The following MYRIP variants were observed in gnomAD, a reference collection of about 807,000 sequenced individuals.
The protein encoded by MYRIP is rab effector MyRIP.
In MYRIP, 49 loss-of-function variants were observed where a neutral mutation model predicts 98.0. The ratio of observed to expected loss-of-function variants is 0.50; its 90% CI spans 0.40 to 0.63. The LOEUF is 0.63. Among genes scored for constraint, MYRIP ranks in the 30% least tolerant of loss-of-function variants. MYRIP has a pLI of 0.00. For synonymous variants in MYRIP, 404 were observed against 409.5 expected, an observed-to-expected ratio of 0.99 and a Z score of 0.16; for missense variants, 1,004 against 1,058.2, an observed-to-expected ratio of 0.95 and a Z score of 0.71.
At chr3:40,037,487 C>T (rs1456965169) in intron 2 of MYRIP, among the ~76,000 whole-genome samples, 1 of 151,984 alleles carries the variant, frequency 6.6e-6, no homozygotes, top group Non-Finnish European at 1.5e-5. Flanking sequence ...TTTTACAACA[C>T]ATATTGCCCC....
chr3:40,099,405 T>C (rs996574529), intron 3 of MYRIP, among the ~76,000 whole-genome samples: 1 of 152,182 alleles, frequency 6.6e-6, no homozygotes. Context: ...TCCACAAATT[T>C]ATGAAACCAG....
chr3:40,107,687 G>C (rs1271745097), intron 3 of MYRIP, among the ~76,000 whole-genome samples: 15 of 152,158 alleles, frequency 9.9e-5, no homozygotes, highest in Admixed American at 9.8e-4. Context: ...CTAACTGAAA[G>C]CATCAAGGCC....
intron 11 of MYRIP, among the ~76,000 whole-genome samples, chr3:40,211,646 G>C (rs1360250972): frequency 6.6e-6 from 1 of 152,160 alleles, no homozygotes; most frequent in Non-Finnish European, 1.5e-5. Context: ...CTGGAGCTTA[G>C]AGCCAGATGG....
chr3:40,256,952 C>G (rs1486530558), intron 16 of MYRIP, among the ~76,000 whole-genome samples: 1 of 152,052 alleles, frequency 6.6e-6, no homozygotes, highest in Admixed American at 6.6e-5. Context: ...ACACAAAAAT[C>G]GTTACACCAG....
At chr3:40,049,060 C>T (rs1947731203) in intron 3 of MYRIP, among the ~76,000 whole-genome samples, 1 of 152,150 alleles carries the variant, frequency 6.6e-6, no homozygotes, top group African/African-American at 2.4e-5. Context: ...CAGTCATAAT[C>T]ATTTTGGGCC....
Position 40,066,684 on chromosome 3 carries a change from C to T in MYRIP, c.332+22413C>T, listed in dbSNP as rs933179120. 7.9e-5 allele frequency among the ~76,000 whole-genome samples: 12 copies of T among 152,206 alleles called. No individual in the cohort carries two copies. The East Asian group carries it at 2.1e-3, about 27-fold the overall frequency. On this transcript the variant is annotated intron_variant, in intron 3 of 16. Transcript: ENST00000302541. ...AAATTTACTCAATGGACTCTTACTA[C>T]AGAGAAGGTTCTGTATTCCAAGTAA... is the stretch of plus-strand genomic sequence containing the variant.
At chr3:40,218,621 TA>T (rs1952214232) in intron 11 of MYRIP, among the ~76,000 whole-genome samples, 25 of 81,520 alleles carry the variant, frequency 3.1e-4, no homozygotes, top group African/African-American at 1.4e-3. Flanking sequence ...TTTATATATA[TA>T]TATATATATA....
At chr3:40,119,553 A>G (rs1949354126) in intron 3 of MYRIP, among the ~76,000 whole-genome samples, 1 of 138,540 alleles carries the variant, frequency 7.2e-6, no homozygotes, top group South Asian at 2.3e-4. Context: ...AGGAGACTTA[A>G]ATTTTAAATC....
chr3:39,965,000 G>C lies in MYRIP; in HGVS notation c.110+64074G>C, dbSNP rs76842606. Among the ~76,000 whole-genome samples the C allele has an allele frequency of 6.1e-3, 926 of 152,172 alleles. 7 individuals carry two copies. Among genetic ancestry groups the C allele is most frequent in the African/African-American group, 0.021 (882 of 41,532 alleles). On this transcript the variant is annotated intron_variant, in intron 2 of 16. Coordinates refer to ENST00000302541, the MANE Select transcript of MYRIP (RefSeq NM_015460.4). ...GGATTTTGAAATAACCCGTTACCTGGATGGTGCAGCAGAGTTAAAATTATC... is the reference window on the plus strand; with the variant it reads ...GGATTTTGAAATAACCCGTTACCTGCATGGTGCAGCAGAGTTAAAATTATC...
At chr3:40,170,664 C>T (rs1187629422) in intron 8 of MYRIP, among the ~76,000 whole-genome samples, 2 of 152,192 alleles carry the variant, frequency 1.3e-5, no homozygotes, top group Non-Finnish European at 2.9e-5. Context: ...TCCTTTGTTA[C>T]TGGTTTGAGT....
chr3:40,051,538 T>A lies in MYRIP; in HGVS notation c.332+7267T>A, dbSNP rs114382973. Among the ~76,000 whole-genome samples the A allele has an allele frequency of 2.3e-3, 354 of 152,280 alleles. 2 individuals carry two copies. Among genetic ancestry groups the A allele is most frequent in the Middle Eastern group, 0.014 (4 of 294 alleles). On this transcript the variant is annotated intron_variant, in intron 3 of 16. Coordinates refer to ENST00000302541, the MANE Select transcript of MYRIP (RefSeq NM_015460.4). The stretch of plus-strand genomic sequence containing the variant: ...TATATGCACTGGGAAACAAAAAATT[T>A]GTGTGACTCACTTTTTTGTGATATT...
chr3:40,005,086 G>C (rs936180007), intron 2 of MYRIP, among the ~76,000 whole-genome samples: 3 of 152,188 alleles, frequency 2.0e-5, no homozygotes, highest in Non-Finnish European at 4.4e-5. Flanking sequence ...CTGCATCCAG[G>C]TTGCTGCAAA....
chr3:40,192,803 GA>G (rs755535951), intron 10 of MYRIP, among the ~76,000 whole-genome samples: 31 of 152,302 alleles, frequency 2.0e-4, no homozygotes, highest in Middle Eastern at 3.4e-3. Flanking sequence ...AAACAATGGT[GA>G]AAACAGGGCT....
chr3:40,033,840 A>G (rs1947315563), intron 2 of MYRIP, among the ~76,000 whole-genome samples: 1 of 152,160 alleles, frequency 6.6e-6, no homozygotes, highest in African/African-American at 2.4e-5. Flanking sequence ...GGCTACAGTA[A>G]CCAAAACAGC....
chr3:40,011,384 T>C (rs1946757171), intron 2 of MYRIP, among the ~76,000 whole-genome samples: 2 of 152,206 alleles, frequency 1.3e-5, no homozygotes, highest in East Asian at 3.8e-4. Context: ...ATTCCTTCTT[T>C]CCTTCAGTGA....
At chr3:40,109,567 T>A (rs1949118089) in intron 3 of MYRIP, among the ~76,000 whole-genome samples, 1 of 152,150 alleles carries the variant, frequency 6.6e-6, no homozygotes, top group Non-Finnish European at 1.5e-5. Flanking sequence ...GGAGGACTGC[T>A]TGGGGCCAGG....
intron 4 of MYRIP, among the ~76,000 whole-genome samples, 184 bp from the exon 5 acceptor site, chr3:40,162,544 GAA>G (rs1160295678): frequency 6.6e-6 from 1 of 152,148 alleles, no homozygotes; most frequent in Non-Finnish European, 1.5e-5. Context: ...AGTGTGAGAA[GAA>G]AAAAGCAATG....
chr3:39,888,945 C>T (rs1356298273), intron 1 of MYRIP, among the ~76,000 whole-genome samples: 18 of 152,104 alleles, frequency 1.2e-4, no homozygotes, highest in Non-Finnish European at 2.9e-5. Flanking sequence ...CCATCACTGG[C>T]CATCAGAGAA....
rs528582597 is a variant in MYRIP, at chr3:39,833,260, A to G, written c.-31+23344A>G. Among the ~76,000 whole-genome samples the G allele has an allele frequency of 7.9e-4, 120 of 152,306 alleles. 1 individual carries two copies. Among genetic ancestry groups the G allele is most frequent in the African/African-American group, 2.8e-3 (116 of 41,548 alleles). On this transcript the variant is annotated intron_variant, in intron 1 of 16. Coordinates refer to ENST00000302541, the MANE Select transcript of MYRIP (RefSeq NM_015460.4). ...TGTCAGGGTGATTTTCTTTTATAGC[A>G]TGTAATATCTTTCGCGTTTTATAAA...
Sources: gnomAD v4.1 joint callset for allele counts (sites outside exome capture counted in the v4.1 genomes callset) on GRCh38, gnomAD v4.1.1 for gene constraint, MANE v1.5 for transcripts, NCBI Gene and HGNC (gene_info 2026-07-23, HGNC 2026-07-21) for gene names.